MDGA2: variants seen among roughly 807,000 people sequenced by gnomAD.
The protein encoded by MDGA2 is MAM domain containing glycosylphosphatidylinositol anchor 2.
In MDGA2, 40 loss-of-function variants were observed where a neutral mutation model predicts 117.8. The ratio of observed to expected loss-of-function variants is 0.34; its 90% confidence interval spans 0.26 to 0.44. The LOEUF is 0.44. MDGA2 is among the 20% of genes least tolerant of loss of function. MDGA2 has a pLI of 1.00. For synonymous variants in MDGA2, 452 were observed against 439.0 expected (o/e 1.03, Z -0.37); for missense variants, 1,123 against 1,250.6 (o/e 0.90, Z 1.54).
At chr14:47,333,211 T>G (rs111461150) in intron 1 of MDGA2, among the ~76,000 whole-genome samples, 3 of 151,888 alleles carry the variant, frequency 2.0e-5, no homozygotes, top group African/African-American at 7.2e-5. Context: ...ATTTGAGAAA[T>G]CTCCATACTG....
chr14:47,260,753 T>G (rs1887768424), intron 2 of MDGA2, among the ~76,000 whole-genome samples: 1 of 152,054 alleles, frequency 6.6e-6, no homozygotes. Flanking sequence ...AGCTGGGAGC[T>G]GATACTGGAT....
intron 3 of MDGA2, among the ~76,000 whole-genome samples, chr14:47,214,845 A>G (rs561278994): frequency 1.1e-3 from 166 of 152,178 alleles, no homozygotes; most frequent in Non-Finnish European, 1.4e-3. Context: ...GCTCTCTAAG[A>G]CTACTGATGC....
chr14:47,188,733 C>A (rs1885002196), intron 3 of MDGA2, among the ~76,000 whole-genome samples: 1 of 151,894 alleles, frequency 6.6e-6, no homozygotes, highest in African/African-American at 2.4e-5. Context: ...TTACAAAGAA[C>A]AAAAATGAAA....
intron 2 of MDGA2, among the ~76,000 whole-genome samples, chr14:47,263,169 G>A (rs1887855004): frequency 6.6e-6 from 1 of 151,848 alleles, no homozygotes; most frequent in Non-Finnish European, 1.5e-5. Context: ...AGTTTTCTAA[G>A]TTCAATCTGG....
chr14:47,625,235 G>C (rs1897120090), intron 1 of MDGA2, among the ~76,000 whole-genome samples: 1 of 151,756 alleles, frequency 6.6e-6, no homozygotes, highest in African/African-American at 2.4e-5. Flanking sequence ...ATTAAAAGTT[G>C]GTCAAACTTC....
At chr14:47,386,111 G>A (rs1012078595) in intron 1 of MDGA2, among the ~76,000 whole-genome samples, 11 of 152,076 alleles carry the variant, frequency 7.2e-5, no homozygotes, top group South Asian at 2.1e-4. Context: ...GTGAAACACC[G>A]TCTCTACTAG....
intron 2 of MDGA2, among the ~76,000 whole-genome samples, chr14:47,269,385 G>T (rs1888071684): frequency 6.6e-6 from 1 of 152,044 alleles, no homozygotes; most frequent in Non-Finnish European, 1.5e-5. Context: ...AAAAAGACTA[G>T]ACAGGACAGT....
At chr14:47,488,196 T>C (rs1358097382) in intron 1 of MDGA2, among the ~76,000 whole-genome samples, 2 of 152,246 alleles carry the variant, frequency 1.3e-5, no homozygotes, top group African/African-American at 4.8e-5. Context: ...AGTCGACATA[T>C]GAGATTTCAA....
intron 8 of MDGA2, among the ~76,000 whole-genome samples, chr14:47,029,656 G>A (rs571960612): frequency 1.2e-4 from 18 of 152,046 alleles, no homozygotes; most frequent in African/African-American, 3.9e-4. Context: ...CTTTAATAGC[G>A]CTTTGAGATG....
At chr14:47,672,609 A>G (rs940914513) in intron 1 of MDGA2, among the ~76,000 whole-genome samples, 3 of 152,160 alleles carry the variant, frequency 2.0e-5, no homozygotes, top group Non-Finnish European at 4.4e-5. Context: ...CCCATCACAC[A>G]CACATACACT....
At chr14:47,593,977 T>C (rs1341206569) in intron 1 of MDGA2, among the ~76,000 whole-genome samples, 1 of 152,208 alleles carries the variant, frequency 6.6e-6, no homozygotes, top group Non-Finnish European at 1.5e-5. Context: ...TTTGTGTCAG[T>C]GACTTTCACA....
intron 7 of MDGA2, among the ~76,000 whole-genome samples, chr14:47,038,976 T>A (rs1386307872): frequency 6.6e-6 from 1 of 151,406 alleles, no homozygotes; most frequent in Non-Finnish European, 1.5e-5. Flanking sequence ...AGATTTTAAA[T>A]CTAGAAGTCA....
chr14:46,981,171 A>G (rs931176979), intron 8 of MDGA2, among the ~76,000 whole-genome samples: 4 of 150,902 alleles, frequency 2.7e-5, no homozygotes, highest in East Asian at 1.9e-4. Context: ...TGGGAGGCCA[A>G]GGGGGGGGCG....
chr14:47,407,970 C>T (rs1419512062), intron 1 of MDGA2, among the ~76,000 whole-genome samples: 2 of 151,798 alleles, frequency 1.3e-5, no homozygotes, highest in African/African-American at 4.8e-5. Flanking sequence ...ACCCTAATCC[C>T]TAAAACCTGT....
At chr14:47,407,783 C>T (rs971241737) in intron 1 of MDGA2, among the ~76,000 whole-genome samples, 1 of 152,036 alleles carries the variant, frequency 6.6e-6, no homozygotes, top group African/African-American at 2.4e-5. Flanking sequence ...GTATTTAATA[C>T]TGTATATTGA....
intron 8 of MDGA2, among the ~76,000 whole-genome samples, chr14:47,000,680 G>A (rs1887500324): frequency 6.6e-6 from 1 of 151,092 alleles, no homozygotes; most frequent in Non-Finnish European, 1.5e-5. Flanking sequence ...TTAGGTATAG[G>A]GCAGTTAAGT....
intron 15 of MDGA2, among the ~76,000 whole-genome samples, chr14:46,853,275 G>T (rs994071386): frequency 4.0e-5 from 6 of 151,542 alleles, no homozygotes; most frequent in Admixed American, 3.3e-4. Context: ...AACATAAATA[G>T]AAAAAAATGA....
At chr14:47,177,104 A>G (rs1884492677) in intron 3 of MDGA2, among the ~76,000 whole-genome samples, 1 of 152,236 alleles carries the variant, frequency 6.6e-6, no homozygotes, top group African/African-American at 2.4e-5. Context: ...ACAATGAGAT[A>G]CCATCTCACA....
At chr14:47,228,358 T>G (rs1264130806) in intron 2 of MDGA2, among the ~76,000 whole-genome samples, 1 of 152,158 alleles carries the variant, frequency 6.6e-6, no homozygotes, top group African/African-American at 2.4e-5. Context: ...ACGATTTGTT[T>G]GACTTAATGA....
Sources: allele counts gnomAD v4.1 joint callset (sites outside exome capture counted in the v4.1 genomes callset), GRCh38; gene constraint gnomAD v4.1.1; transcripts MANE v1.5; gene names NCBI Gene and HGNC (gene_info 2026-07-23, HGNC 2026-07-21).